VKORC1L1: variants seen among roughly 807,000 people sequenced by gnomAD.
VKORC1L1 encodes the protein vitamin K epoxide reductase complex subunit 1-like protein 1.
In VKORC1L1, 2 loss-of-function variants were observed where a neutral mutation model predicts 18.9. The ratio of observed to expected loss-of-function variants is 0.11; its 90% CI spans 0.04 to 0.33. VKORC1L1 has a LOEUF of 0.33. Among genes scored for constraint, VKORC1L1 ranks in the 10% least tolerant of loss-of-function variants. VKORC1L1 has a pLI of 1.00. For synonymous variants in VKORC1L1, 96 were observed against 100.0 expected, an observed-to-expected ratio of 0.96 and a Z score of 0.24; for missense variants, 123 against 224.1, an observed-to-expected ratio of 0.55 and a Z score of 2.88.
At chr7:65,905,526 G>A (rs1364510769) in intron 1 of VKORC1L1, among the ~76,000 whole-genome samples, 1 of 152,024 alleles carries the variant, frequency 6.6e-6, no homozygotes, top group Non-Finnish European at 1.5e-5. Flanking sequence ...AGCCAGGATG[G>A]TCTCAATCTC....
intron 1 of VKORC1L1, among the ~76,000 whole-genome samples, chr7:65,926,401 G>A (rs535367120): frequency 9.9e-5 from 15 of 152,114 alleles, no homozygotes; most frequent in South Asian, 4.2e-4. Flanking sequence ...TGATCTGCCC[G>A]CCTCAGCCTC....
At chr7:65,951,779 C>T (rs1004312361) in intron 2 of VKORC1L1, among the ~76,000 whole-genome samples, 4 of 152,040 alleles carry the variant, frequency 2.6e-5, no homozygotes, top group African/African-American at 9.7e-5. Flanking sequence ...ATGCTATACC[C>T]ACTGTTCTGC....
intron 1 of VKORC1L1, among the ~76,000 whole-genome samples, chr7:65,888,427 C>T (rs1431887326): frequency 6.6e-6 from 1 of 152,112 alleles, no homozygotes; most frequent in Non-Finnish European, 1.5e-5. Context: ...TAAAGCAGGC[C>T]ATGAGATGAA....
chr7:65,922,068 G>A (rs938951571), intron 1 of VKORC1L1, among the ~76,000 whole-genome samples: 12 of 152,092 alleles, frequency 7.9e-5, no homozygotes, highest in African/African-American at 2.7e-4. Flanking sequence ...TCACTTTTCT[G>A]TCAGTGCGTG....
chr7:65,912,459 G>A (rs74794924), intron 1 of VKORC1L1, among the ~76,000 whole-genome samples: 1 of 152,184 alleles, frequency 6.6e-6, no homozygotes, highest in African/African-American at 2.4e-5. Context: ...TGGCTCAATC[G>A]CATGTCAGTT....
At chr7:65,927,239 A>G (rs1789780728) in intron 1 of VKORC1L1, among the ~76,000 whole-genome samples, 1 of 152,142 alleles carries the variant, frequency 6.6e-6, no homozygotes, top group African/African-American at 2.4e-5. Flanking sequence ...GTGAGCCAAG[A>G]TCGTGCCACT....
rs573024309 is a variant in VKORC1L1 at position 65,921,716 on chromosome 7, C to T, written c.195-26955C>T. 2.0e-3 allele frequency among the ~76,000 whole-genome samples: 304 copies of T among 151,992 alleles called. 2 individuals are homozygous for T. Among genetic ancestry groups the T allele is most frequent in the African/African-American group, 7.1e-3 (295 of 41,470 alleles). Reference sequence around the variant, plus strand: ...ACAAAAAATTAGCCGGGCGTGGTGGCGGGCGCCTGTAGTCCCAGCTACTCT... The same window carrying T: ...ACAAAAAATTAGCCGGGCGTGGTGGTGGGCGCCTGTAGTCCCAGCTACTCT... On this transcript the variant is annotated intron_variant, in intron 1 of 2. Coordinates refer to ENST00000360768, the MANE Select transcript of VKORC1L1 (RefSeq NM_173517.6).
chr7:65,936,485 T>A (rs762276030), intron 1 of VKORC1L1, among the ~76,000 whole-genome samples: 1 of 152,224 alleles, frequency 6.6e-6, no homozygotes, highest in South Asian at 2.1e-4. Context: ...TCTCCTTCTG[T>A]GGGTGATGGG....
chr7:65,891,095 C>A (rs893025748), intron 1 of VKORC1L1, among the ~76,000 whole-genome samples: 2 of 137,844 alleles, frequency 1.5e-5, no homozygotes, highest in African/African-American at 5.1e-5. Flanking sequence ...TTTTGCCCAG[C>A]ATAATTTTTT....
intron 1 of VKORC1L1, among the ~76,000 whole-genome samples, chr7:65,894,002 T>C (rs1789149206): frequency 6.6e-6 from 1 of 152,110 alleles, no homozygotes; most frequent in Non-Finnish European, 1.5e-5. Context: ...TTGCCCAGGC[T>C]GGAGTGCAAT....
At chr7:65,943,955 C>T (rs1790077459) in intron 1 of VKORC1L1, among the ~76,000 whole-genome samples, 3 of 152,012 alleles carry the variant, frequency 2.0e-5, no homozygotes, top group Non-Finnish European at 2.9e-5. Context: ...ATATCAATAA[C>T]AAATCAGTAA....
intron 1 of VKORC1L1, among the ~76,000 whole-genome samples, chr7:65,917,873 A>C (rs543588473): frequency 1.3e-5 from 2 of 152,218 alleles, no homozygotes; most frequent in South Asian, 4.2e-4. Context: ...GTAAGCCAAA[A>C]CTCTGTCAAG....
chr7:65,952,608 C>A (rs1438620347), intron 2 of VKORC1L1, among the ~76,000 whole-genome samples: 1 of 152,010 alleles, frequency 6.6e-6, no homozygotes, highest in African/African-American at 2.4e-5. Flanking sequence ...TATTTTGTTC[C>A]TGTTTCTGTT....
At chr7:65,866,958 A>G in the VKORC1L1 span, among the ~76,000 whole-genome samples, 1 of 152,228 alleles carries the variant, frequency 6.6e-6, no homozygotes, top group East Asian at 1.9e-4. Context: ...TCGGAGGCCG[A>G]GGTGGGCAGA....
chr7:65,888,641 G>A (rs533554157), intron 1 of VKORC1L1, among the ~76,000 whole-genome samples: 2 of 152,166 alleles, frequency 1.3e-5, no homozygotes, highest in African/African-American at 4.8e-5. Flanking sequence ...GGTGAGGGGG[G>A]TGCAGGGGGG....
chr7:65,954,853 G>A lies in VKORC1L1; in HGVS notation c.*553G>A, dbSNP rs986018083. ...GAACTTACTGTACAGTTTAGTTGGAGTGTAGCACTGAAGAACTGTCAGCTC... is the reference window on the plus strand; with the variant it reads ...GAACTTACTGTACAGTTTAGTTGGAATGTAGCACTGAAGAACTGTCAGCTC... On this transcript the variant is annotated 3_prime_UTR_variant, in exon 3 of 3. Transcript: ENST00000360768. 1.9e-5 allele frequency: 3 copies of A among 155,958 alleles called. No individual in the cohort carries two copies. The highest frequency in any genetic ancestry group is 7.2e-5 in the African/African-American group (3 of 41,464). The allele number at this position is 155,958 out of a possible 1,614,324, so 9.7% of individuals were successfully genotyped here.
intron 1 of VKORC1L1, among the ~76,000 whole-genome samples, chr7:65,875,425 T>G (rs1034669290): frequency 2.0e-5 from 3 of 151,544 alleles, no homozygotes; most frequent in Non-Finnish European, 4.4e-5. Context: ...GACACTTTTC[T>G]TTTTTTTTCT....
chr7:65,931,385 G>C (rs1789854869), intron 1 of VKORC1L1, among the ~76,000 whole-genome samples: 1 of 152,046 alleles, frequency 6.6e-6, no homozygotes, highest in East Asian at 1.9e-4. Context: ...TTTCTTTCAA[G>C]ATTTTTAACT....
intron 1 of VKORC1L1, among the ~76,000 whole-genome samples, chr7:65,903,285 G>A (rs1229905493): frequency 6.6e-6 from 1 of 151,518 alleles, no homozygotes; most frequent in East Asian, 1.9e-4. Flanking sequence ...TCCTGCCTCA[G>A]CCTCCCAAGT....
Sources: gnomAD v4.1 joint callset for allele counts (sites outside exome capture counted in the v4.1 genomes callset) on GRCh38, gnomAD v4.1.1 for gene constraint, MANE v1.5 for transcripts, NCBI Gene and HGNC (gene_info 2026-07-23, HGNC 2026-07-21) for gene names.